Variants in CEP192 observed in about 807,000 individuals in gnomAD.
CEP192 encodes the protein centrosomal protein 192, also known as centrosomal protein of 192 kDa.
In CEP192, 151 loss-of-function variants were observed where a neutral mutation model predicts 271.8. The observed-to-expected ratio is 0.56, with a 90% CI of 0.49 to 0.64. The LOEUF is 0.64. Among genes scored for constraint, CEP192 ranks in the 30% least tolerant of loss-of-function variants. The pLI is 0.00. For missense variants in CEP192, 2,910 were observed against 3,020.5 expected, an observed-to-expected ratio of 0.96 and a Z score of 0.86; for synonymous variants, 995 against 1,076.5, an observed-to-expected ratio of 0.92 and a Z score of 1.48.
chr18:13,029,591 A>C, intron 9 of CEP192, 72 bp from the exon 10 acceptor site: 2 of 942,220 alleles, frequency 2.1e-6, no homozygotes, highest in East Asian at 2.7e-5. Context: ...TTTTCCCATA[A>C]ATTTTAAAAT....
At chr18:13,017,022 G>C (rs2034686991) in intron 6 of CEP192, among the ~76,000 whole-genome samples, 166 bp from the exon 7 acceptor site, 1 of 152,054 alleles carries the variant, frequency 6.6e-6, no homozygotes, top group Non-Finnish European at 1.5e-5. Context: ...TGTTCATAAT[G>C]GTTTATAATT....
At chr18:13,008,709 T>TC (rs1292216527) in intron 4 of CEP192, 78 bp downstream of exon 4, 21 of 1,279,710 alleles carry the variant, frequency 1.6e-5, no homozygotes, top group Non-Finnish European at 2.1e-5. Context: ...TGGATTTTTT[T>TC]TTTTTTTTTT....
intron 15 of CEP192, among the ~76,000 whole-genome samples, chr18:13,044,554 A>G (rs2036377720): frequency 6.6e-6 from 1 of 152,100 alleles, no homozygotes; most frequent in African/African-American, 2.4e-5. Flanking sequence ...GCTTCTCTAG[A>G]TCTGTTAAGA....
At chr18:13,115,949 C>T (rs769355698) in intron 42 of CEP192, among the ~76,000 whole-genome samples, 1 of 152,136 alleles carries the variant, frequency 6.6e-6, no homozygotes, top group Non-Finnish European at 1.5e-5. Flanking sequence ...GGCAGCTGTG[C>T]AGGGTTTGGG....
rs530987539 is a variant in CEP192, at chr18:13,042,259, G to C, written c.1992G>C (p.Gln664His). ...TAAGTGAAGGATCAATTACACTTCA[G>C]GTTGAAGCAGTAGAGAGTACTTCAC... ...AQLSEGSITL[Q>H]VEAVESTSQV... Residue 664 changes from glutamine to histidine, a missense_variant, in exon 15 of 45, where the codon CAG (glutamine) becomes CAC (histidine). Physicochemically the swap from Gln to His is conservative, Grantham distance 24 (BLOSUM62 0). Coordinates refer to ENST00000506447, the MANE Select transcript of CEP192 (RefSeq NM_032142.4). 4 of 1,613,486 alleles carry C rather than the reference G, an allele frequency of 2.5e-6. No individual in the cohort carries two copies. In the Admixed American group the frequency reaches 6.7e-5, roughly 27 times the overall value.
intron 44 of CEP192, among the ~76,000 whole-genome samples, chr18:13,119,107 A>G (rs554947107): frequency 3.3e-5 from 5 of 152,332 alleles, no homozygotes; most frequent in East Asian, 3.9e-4. Flanking sequence ...TGGAACTACT[A>G]AAATACATGG....
chr18:13,076,374 G>C (rs900394204), intron 30 of CEP192, among the ~76,000 whole-genome samples: 3 of 151,620 alleles, frequency 2.0e-5, no homozygotes, highest in African/African-American at 7.3e-5. Context: ...ACAGGCGCGT[G>C]CCACCACACC....
rs542844663 is a variant in CEP192 at position 13,067,705 on chromosome 18, A to G, written c.4489-126A>G. On this transcript the variant is annotated intron_variant, in intron 21 of 44. Coordinates refer to ENST00000506447, the MANE Select transcript of CEP192 (RefSeq NM_032142.4). Reference sequence around the variant, plus strand: ...AAGCAATTGTTAAATAGCCTGGGAAAATGTAGGTAAGTTTTACTTACTGCT... The same window carrying G: ...AAGCAATTGTTAAATAGCCTGGGAAGATGTAGGTAAGTTTTACTTACTGCT... 2.7e-3 allele frequency: 1,774 copies of G among 668,848 alleles called. 5 individuals are homozygous for G. Among genetic ancestry groups the G allele is most frequent in the Admixed American group, 5.0e-3 (173 of 34,634 alleles). The allele number at this position is 668,848 out of a possible 1,614,324, so 41.4% of individuals were successfully genotyped here.
chr18:13,057,882 G>T, intron 20 of CEP192, 149 bp downstream of exon 20: 1 of 613,672 alleles, frequency 1.6e-6, no homozygotes, highest in Non-Finnish European at 2.7e-6. Context: ...GACCCCTTTT[G>T]TTGTAGTGCT....
rs2035961474 is a variant in CEP192 at position 13,037,151 on chromosome 18, G to A, written c.1535-86G>A. ...TACTTGTTACAACTTTATTTCCTTAGTATTTCATTTTCCTAACTTGTATCT... is the reference window on the plus strand; with the variant it reads ...TACTTGTTACAACTTTATTTCCTTAATATTTCATTTTCCTAACTTGTATCT... On this transcript the variant is annotated intron_variant, in intron 11 of 44. Coordinates refer to ENST00000506447, the MANE Select transcript of CEP192 (RefSeq NM_032142.4). The A allele has an allele frequency of 3.1e-5, 20 of 654,936 alleles. No homozygotes were observed. In the South Asian group the frequency reaches 3.3e-4, roughly 11 times the overall value. 40.6% of individuals were successfully genotyped at this position (654,936 alleles called of 1,614,324 possible). A position where few individuals can be genotyped will look rare whatever the true frequency, so the allele number is the denominator to read the frequency against.
chr18:13,017,265 A>G lies in CEP192; in HGVS notation c.718A>G (p.Ile240Val), dbSNP rs1251900062. 3 of 1,550,080 alleles carry G rather than the reference A, an allele frequency of 1.9e-6. No homozygotes were observed. In the African/African-American group the frequency reaches 4.1e-5, roughly 21 times the overall value. Residue 240 changes from isoleucine to valine, a missense_variant, in exon 7 of 45, where the codon ATA (isoleucine) becomes GTA (valine). Physicochemically the swap from Ile to Val is conservative, Grantham distance 29. Coordinates refer to ENST00000506447, the MANE Select transcript of CEP192 (RefSeq NM_032142.4). Reference protein sequence around the residue: ...YFEQLAIPGMIYEDLEGPEPP... With the variant: ...YFEQLAIPGMVYEDLEGPEPP... Reference sequence around the variant, plus strand: ...TGAACAACTGGCAATTCCAGGAATGATATATGAAGACCTAGAAGGACCAGA... The same window carrying G: ...TGAACAACTGGCAATTCCAGGAATGGTATATGAAGACCTAGAAGGACCAGA...
rs929274364 is a variant in CEP192, at chr18:13,038,415, A to C, written c.1645A>C (p.Thr549Pro). ...TAATACTTCGGTTGCACTGGGCGATACGTCCTGGGGAGCTACAATTAATTA... is the reference window on the plus strand; with the variant it reads ...TAATACTTCGGTTGCACTGGGCGATCCGTCCTGGGGAGCTACAATTAATTA... Reference protein sequence around the residue: ...AHNTSVALGDTSWGATINYSL... With the variant: ...AHNTSVALGDPSWGATINYSL... The change falls in exon 13 of 45, where the codon ACG (threonine) becomes CCG (proline). Residue 549 changes from threonine (T) to proline (P), a missense_variant. Thr to Pro is a conservative substitution (Grantham distance 38). Coordinates refer to ENST00000506447, the MANE Select transcript of CEP192 (RefSeq NM_032142.4). 1 of 1,551,704 alleles carries C rather than the reference A, an allele frequency of 6.4e-7. No individual in the cohort carries two copies. The highest frequency in any genetic ancestry group is 8.7e-7 in the Non-Finnish European group (1 of 1,146,962).
intron 18 of CEP192, among the ~76,000 whole-genome samples, chr18:13,053,391 T>C (rs1469850299): frequency 6.6e-6 from 1 of 152,188 alleles, no homozygotes; most frequent in Non-Finnish European, 1.5e-5. Flanking sequence ...GAAGTCTGAC[T>C]GCCTTTGCTT....
chr18:13,026,461 C>T (rs1233464605), intron 9 of CEP192, among the ~76,000 whole-genome samples: 1 of 152,284 alleles, frequency 6.6e-6, no homozygotes, highest in Non-Finnish European at 1.5e-5. Flanking sequence ...GGGAAATTCT[C>T]AGTCATTATT....
At chr18:13,016,463 G>A (rs1163255202) in intron 6 of CEP192, among the ~76,000 whole-genome samples, 1 of 152,196 alleles carries the variant, frequency 6.6e-6, no homozygotes, top group East Asian at 1.9e-4. Context: ...AGCGGAGTGA[G>A]CATCACATCC....
chr18:13,106,880 G>A (rs748814115), intron 40 of CEP192, among the ~76,000 whole-genome samples: 1 of 152,194 alleles, frequency 6.6e-6, no homozygotes, highest in Non-Finnish European at 1.5e-5. Flanking sequence ...ACAAGATGTA[G>A]TTTAAAAACA....
rs149045913 is a variant in CEP192, at chr18:13,085,968, A to C, written c.5617-1049A>C. The stretch of plus-strand genomic sequence containing the variant: ...TGGTAGCTTGATGGGAACAGCATTG[A>C]ATCTATAAATTACTTTGGGCAGTAT... On this transcript the variant is annotated intron_variant, in intron 30 of 44. Coordinates refer to ENST00000506447, the MANE Select transcript of CEP192 (RefSeq NM_032142.4). 5.1e-3 allele frequency among the ~76,000 whole-genome samples: 773 copies of C among 152,210 alleles called. 6 individuals carry two copies. The highest frequency in any genetic ancestry group is 0.018 in the African/African-American group (727 of 41,518).
In CEP192 at chr18:13,036,875, C is replaced by CTT. The variant is rs139270445; in HGVS notation, c.1535-361_1535-360dup. On this transcript the variant is annotated intron_variant, in intron 11 of 44. Transcript: ENST00000506447. ...ATCTTCATGACAAGCTTATAGAGGG[C>CTT]TTATCAGTCTGATGACTCCTGATGA... is the stretch of plus-strand genomic sequence containing the variant. Among the ~76,000 whole-genome samples the CTT allele has an allele frequency of 3.8e-3, 581 of 152,336 alleles. 6 individuals carry two copies. Among genetic ancestry groups the CTT allele is most frequent in the East Asian group, 0.037 (191 of 5,178 alleles).
At chr18:13,106,496 C>T (rs2039955651) in intron 40 of CEP192, among the ~76,000 whole-genome samples, 1 of 150,476 alleles carries the variant, frequency 6.6e-6, no homozygotes, top group Admixed American at 6.6e-5. Context: ...TCACCACTGC[C>T]ATCACCATTT....
Sources: allele counts gnomAD v4.1 joint callset (sites outside exome capture counted in the v4.1 genomes callset), GRCh38; gene constraint gnomAD v4.1.1; transcripts MANE v1.5; gene names NCBI Gene and HGNC (gene_info 2026-07-23, HGNC 2026-07-21).